STAB2: variants seen among roughly 807,000 people sequenced by gnomAD.
STAB2 encodes the protein stabilin 2.
STAB2 carries 288 observed loss-of-function variants against 338.1 expected under a neutral mutation model. The observed-to-expected ratio is 0.85, with a 90% CI of 0.77 to 0.94. The LOEUF (loss-of-function observed/expected upper bound fraction) is 0.94. Ranked by LOEUF, STAB2 falls within the 40% of genes least tolerant of loss-of-function variation. The pLI is 0.00. For missense variants in STAB2, 3,141 were observed against 3,210.1 expected (o/e 0.98, Z 0.52); for synonymous variants, 1,202 against 1,193.3 (o/e 1.01, Z -0.15).
chr12:103,633,971 G>C (rs1017513828), intron 6 of STAB2, among the ~76,000 whole-genome samples: 3 of 152,184 alleles, frequency 2.0e-5, no homozygotes, highest in Admixed American at 2.0e-4. Context: ...TACCCCGGGA[G>C]AGGAGAGGAA....
At chr12:103,716,112 G>A (rs1006395519) in intron 43 of STAB2, among the ~76,000 whole-genome samples, 13 of 152,200 alleles carry the variant, frequency 8.5e-5, no homozygotes, top group Non-Finnish European at 1.6e-4. Flanking sequence ...CCTAGAGTGC[G>A]GAGAAGTAGG....
At chr12:103,667,570 C>T (rs1307280871) in intron 19 of STAB2, among the ~76,000 whole-genome samples, 1 of 152,192 alleles carries the variant, frequency 6.6e-6, no homozygotes, top group Admixed American at 6.5e-5. Context: ...AAATTAGACA[C>T]ATGGGTAGGA....
At chr12:103,632,849 T>C (rs1957485549) in intron 6 of STAB2, among the ~76,000 whole-genome samples, 3 of 152,226 alleles carry the variant, frequency 2.0e-5, no homozygotes, top group Admixed American at 1.3e-4. Flanking sequence ...GCCGGGGAGC[T>C]GAGATGTTAA....
intron 45 of STAB2, among the ~76,000 whole-genome samples, chr12:103,725,612 G>A (rs1202374451): frequency 2.1e-5 from 3 of 142,434 alleles, no homozygotes; most frequent in Admixed American, 7.8e-5. Context: ...ACGTGTGTGT[G>A]CTTGTGTGTG....
rs1330447748 is a variant in STAB2, at chr12:103,670,778, C to T, written c.2342C>T (p.Pro781Leu). ...TCCCAGTGTCAGTTCTGCTCTGATC[C>T]CAATAAATACGGACCTCGGTGTAAC... The part of the protein sequence containing the change: ...QGSQCQFCSD[P>L]NKYGPRCNKK... Residue 781 changes from proline (P) to leucine (L), a missense_variant, in exon 22 of 69, where the codon CCC becomes CTC. Transcript: ENST00000388887. 6.2e-7 allele frequency: 1 copy of T among 1,614,074 alleles called. No individual in the cohort carries two copies. The highest frequency in any genetic ancestry group is 8.5e-7 in the Non-Finnish European group (1 of 1,180,006).
Position 103,666,357 on chromosome 12 carries a change from AGT to A in STAB2, c.2085+8_2085+9del, listed in dbSNP as rs752074333. 4 of 1,614,164 alleles carry A rather than the reference AGT, an allele frequency of 2.5e-6. No homozygotes were observed. The highest frequency in any genetic ancestry group is 1.7e-5 in the Admixed American group (1 of 60,030). On this transcript the variant is annotated splice_donor_5th_base_variant and intron_variant, in intron 19 of 68. Transcript: ENST00000388887. Reference sequence around the variant, plus strand: ...TCCTGCTAACTCTGAGCCCACAGTGAGTGTGACAGCTTCATGAAAGCACAGAT... The same window carrying A: ...TCCTGCTAACTCTGAGCCCACAGTGAGTGACAGCTTCATGAAAGCACAGAT...
At chr12:103,706,513 C>A (rs1431304059) in intron 37 of STAB2, among the ~76,000 whole-genome samples, 1 of 152,052 alleles carries the variant, frequency 6.6e-6, no homozygotes, top group Non-Finnish European at 1.5e-5. Context: ...TGCTGCCCCT[C>A]CTCCTTTCTC....
intron 42 of STAB2, 145 bp downstream of exon 42, chr12:103,713,913 G>A (rs1418339494): frequency 7.5e-7 from 1 of 1,341,756 alleles, no homozygotes; most frequent in East Asian, 2.4e-5. Context: ...TAAGGGCATG[G>A]AAAAGTGACC....
intron 5 of STAB2, among the ~76,000 whole-genome samples, chr12:103,624,093 A>G (rs926879213): frequency 1.3e-5 from 2 of 152,246 alleles, no homozygotes; most frequent in African/African-American, 2.4e-5. Flanking sequence ...ATTTTTGGCA[A>G]GAAAACCTAT....
In STAB2 at chr12:103,739,270, C is replaced by G. The variant is rs1309975958; in HGVS notation, c.5698-142C>G. 3 of 700,664 alleles carry G rather than the reference C, an allele frequency of 4.3e-6. No homozygotes were observed. In the African/African-American group the frequency reaches 5.6e-5, roughly 13 times the overall value. The allele number at this position is 700,664 out of a possible 1,614,324, so 43.4% of individuals were successfully genotyped here. A position where few individuals can be genotyped will look rare whatever the true frequency, so the allele number is the denominator to read the frequency against. On this transcript the variant is annotated intron_variant, in intron 53 of 68. Transcript: ENST00000388887. Reference sequence around the variant, plus strand: ...AGGATTACAGGTGTCAGCCACCATGCCTGGCCTGTTTTCATATTCTTGATC... The same window carrying G: ...AGGATTACAGGTGTCAGCCACCATGGCTGGCCTGTTTTCATATTCTTGATC...
chr12:103,744,324 A>T (rs560596330), intron 56 of STAB2, among the ~76,000 whole-genome samples: 10 of 151,700 alleles, frequency 6.6e-5, no homozygotes, highest in South Asian at 2.1e-4. Context: ...TTTATTTTTT[A>T]AATTTTTTGT....
At chr12:103,637,817 T>C (rs1957573077) in intron 7 of STAB2, among the ~76,000 whole-genome samples, 199 bp from the exon 8 acceptor site, 1 of 152,240 alleles carries the variant, frequency 6.6e-6, no homozygotes, top group Non-Finnish European at 1.5e-5. Flanking sequence ...AATGGCCTAC[T>C]AATATATCAA....
At chr12:103,710,605 C>T (rs1035178178) in intron 39 of STAB2, among the ~76,000 whole-genome samples, 1 of 152,170 alleles carries the variant, frequency 6.6e-6, no homozygotes, top group Non-Finnish European at 1.5e-5. Flanking sequence ...GAGAAAAGGA[C>T]ATAAAACATG....
chr12:103,689,311 C>T (rs1299201880), intron 28 of STAB2, among the ~76,000 whole-genome samples: 7 of 151,984 alleles, frequency 4.6e-5, no homozygotes, highest in African/African-American at 1.5e-4. Flanking sequence ...CGTGAAACCC[C>T]GTCTCTGCTA....
chr12:103,610,971 G>A (rs1431032560), intron 3 of STAB2, among the ~76,000 whole-genome samples: 2 of 152,222 alleles, frequency 1.3e-5, no homozygotes, highest in African/African-American at 4.8e-5. Flanking sequence ...GGAGCAGGTT[G>A]TTCAGTTTCT....
chr12:103,679,242 C>T (rs1876675762), intron 25 of STAB2, among the ~76,000 whole-genome samples: 1 of 152,088 alleles, frequency 6.6e-6, no homozygotes, highest in Non-Finnish European at 1.5e-5. Flanking sequence ...GTGGTGCATG[C>T]CTGTAATCCC....
At chr12:103,747,798 C>A (rs1883186380) in intron 58 of STAB2, among the ~76,000 whole-genome samples, 1 of 152,036 alleles carries the variant, frequency 6.6e-6, no homozygotes, top group Admixed American at 6.6e-5. Context: ...AGTTTGAAAC[C>A]AGCCTGGCCA....
intron 20 of STAB2, chr12:103,669,136 C>T (rs1875465233): frequency 8.1e-6 from 2 of 247,554 alleles, no homozygotes; most frequent in Non-Finnish European, 1.6e-5. Flanking sequence ...TCTGCAGTGG[C>T]CTCCCTAGTA....
intron 15 of STAB2, among the ~76,000 whole-genome samples, chr12:103,658,277 T>A (rs963344076): frequency 8.5e-5 from 13 of 152,162 alleles, no homozygotes; most frequent in African/African-American, 3.1e-4. Flanking sequence ...AGGAAGGAAG[T>A]GAGTGCCCTC....
Sources: gnomAD v4.1 joint callset for allele counts (sites outside exome capture counted in the v4.1 genomes callset) on GRCh38, gnomAD v4.1.1 for gene constraint, MANE v1.5 for transcripts, NCBI Gene and HGNC (gene_info 2026-07-23, HGNC 2026-07-21) for gene names.